FAM210A: variants seen among roughly 807,000 people sequenced by gnomAD.
FAM210A encodes the protein family with sequence similarity 210 member A.
In FAM210A, 13 loss-of-function variants were observed where a neutral mutation model predicts 25.3. That is an observed-to-expected ratio of 0.51 (90% CI 0.33 to 0.82). FAM210A has a LOEUF of 0.82. FAM210A is among the 40% of genes least tolerant of loss of function. The pLI is 0.02. For synonymous variants in FAM210A, 125 were observed against 118.7 expected (o/e 1.05, Z -0.35); for missense variants, 319 against 323.2 (o/e 0.99, Z 0.10).
Position 13,681,757 on chromosome 18 carries a change from T to C in FAM210A, c.321A>G (p.Glu107=), listed in dbSNP as rs1340512096. ...GCAAAGGATCAGGCTCTTCCTTTTT[T>C]TCCGGAGTTCCCTGAGCTGTGGCAC... ...SSSATAQGTP[E]KKEEPDPLQD... The change falls in exon 2 of 4, where the codon GAA becomes GAG. Residue 107 remains glutamate, a synonymous_variant. Coordinates refer to ENST00000651643, the MANE Select transcript of FAM210A (RefSeq NM_152352.4). 6.2e-7 allele frequency: 1 copy of C among 1,614,224 alleles called. No individual in the cohort carries two copies. The highest frequency in any genetic ancestry group is 1.7e-5 in the Admixed American group (1 of 60,028).
chr18:13,723,874 C>T (rs947985623), intron 1 of FAM210A, among the ~76,000 whole-genome samples: 3 of 152,158 alleles, frequency 2.0e-5, no homozygotes, highest in East Asian at 1.9e-4. Context: ...GGAACACTTT[C>T]CTGAGTGGAA....
intron 1 of FAM210A, among the ~76,000 whole-genome samples, chr18:13,718,646 A>C (rs2043878367): frequency 6.6e-6 from 1 of 152,178 alleles, no homozygotes; most frequent in South Asian, 2.1e-4. Flanking sequence ...AACTATATAA[A>C]TTTCATTTCT....
chr18:13,694,342 T>C (rs1426033374), intron 1 of FAM210A, among the ~76,000 whole-genome samples: 2 of 152,202 alleles, frequency 1.3e-5, no homozygotes, highest in Non-Finnish European at 1.5e-5. Flanking sequence ...CCAATGACTT[T>C]CTTCACAGAA....
intron 1 of FAM210A, among the ~76,000 whole-genome samples, chr18:13,712,045 C>T (rs1272626370): frequency 1.3e-5 from 2 of 151,906 alleles, no homozygotes; most frequent in Non-Finnish European, 2.9e-5. Context: ...AGAAATTGGT[C>T]AAGAAGATGA....
At chr18:13,680,835 T>C (rs1423521108) in intron 2 of FAM210A, among the ~76,000 whole-genome samples, 5 of 152,194 alleles carry the variant, frequency 3.3e-5, no homozygotes, top group South Asian at 4.1e-4. Context: ...CTGGTCCTCC[T>C]AAGCCTAAAG....
intron 1 of FAM210A, among the ~76,000 whole-genome samples, chr18:13,721,318 G>C (rs1439185855): frequency 1.3e-5 from 2 of 152,082 alleles, no homozygotes; most frequent in African/African-American, 4.8e-5. Flanking sequence ...AGTTACTAGG[G>C]GATAGGTTCT....
intron 1 of FAM210A, among the ~76,000 whole-genome samples, chr18:13,718,384 G>A (rs2043876477): frequency 6.6e-6 from 1 of 152,180 alleles, no homozygotes; most frequent in Non-Finnish European, 1.5e-5. Context: ...AGTCATAGTT[G>A]TCTGCATTAG....
At chr18:13,715,466 T>C (rs776464013) in intron 1 of FAM210A, 1 of 152,204 alleles carries the variant, frequency 6.6e-6, no homozygotes, top group African/African-American at 2.4e-5. Context: ...CAGGATTATA[T>C]CAAGCACATC....
intron 2 of FAM210A, among the ~76,000 whole-genome samples, chr18:13,673,688 G>C (rs28465255): frequency 5.6e-5 from 7 of 125,048 alleles, no homozygotes; most frequent in South Asian, 2.6e-4. Context: ...TTCCTGAGCC[G>C]TGACTTATTT....
At chr18:13,695,071 C>A (rs2043680861) in intron 1 of FAM210A, among the ~76,000 whole-genome samples, 1 of 152,200 alleles carries the variant, frequency 6.6e-6, no homozygotes. Context: ...AAAGACACTT[C>A]TAAAAAGAAG....
At chr18:13,688,719 C>T (rs979300202) in intron 1 of FAM210A, among the ~76,000 whole-genome samples, 1 of 152,230 alleles carries the variant, frequency 6.6e-6, no homozygotes, top group Non-Finnish European at 1.5e-5. Context: ...GAGCGGATAA[C>T]GCTGCTGTCT....
chr18:13,699,560 A>G (rs183239847), intron 1 of FAM210A, among the ~76,000 whole-genome samples: 1 of 152,142 alleles, frequency 6.6e-6, no homozygotes, highest in African/African-American at 2.4e-5. Flanking sequence ...TTTTCAGAGG[A>G]TCTAAGCCAT....
chr18:13,704,023 A>G (rs970531117), intron 1 of FAM210A, among the ~76,000 whole-genome samples: 1 of 152,238 alleles, frequency 6.6e-6, no homozygotes, highest in Non-Finnish European at 1.5e-5. Flanking sequence ...TTGTTTAAAA[A>G]GAGGCATGTT....
chr18:13,697,864 A>G (rs1485296386), intron 1 of FAM210A, among the ~76,000 whole-genome samples: 2 of 152,186 alleles, frequency 1.3e-5, no homozygotes, highest in Admixed American at 1.3e-4. Context: ...TGGCACCTTC[A>G]TACAAACAGA....
At chr18:13,698,560 GC>G (rs1049110863) in intron 1 of FAM210A, among the ~76,000 whole-genome samples, 1 of 151,604 alleles carries the variant, frequency 6.6e-6, no homozygotes, top group Admixed American at 6.6e-5. Flanking sequence ...GCTTTTGTAA[GC>G]CCCCCCGCCA....
At chr18:13,713,462 C>T (rs1231632989) in intron 1 of FAM210A, among the ~76,000 whole-genome samples, 1 of 152,120 alleles carries the variant, frequency 6.6e-6, no homozygotes, top group Non-Finnish European at 1.5e-5. Flanking sequence ...AGGTAAAATT[C>T]ACACCAATAC....
chr18:13,706,902 C>T (rs115858662), intron 1 of FAM210A, among the ~76,000 whole-genome samples: 2,708 of 152,288 alleles, frequency 0.018, 30 homozygotes, highest in Middle Eastern at 0.061. Context: ...TCATTTAGCT[C>T]ATTCTTTGAT....
chr18:13,683,224 T>C (rs2043570103), intron 1 of FAM210A, among the ~76,000 whole-genome samples: 1 of 152,216 alleles, frequency 6.6e-6, no homozygotes, highest in Admixed American at 6.5e-5. Flanking sequence ...TTGTTGATAT[T>C]AGTATTATTT....
At chr18:13,706,295 T>C (rs1021717841) in intron 1 of FAM210A, among the ~76,000 whole-genome samples, 1 of 148,522 alleles carries the variant, frequency 6.7e-6, no homozygotes, top group African/African-American at 2.5e-5. Context: ...ACCATGAGAC[T>C]CTTATCTTTA....
Sources: gnomAD v4.1 joint callset for allele counts (sites outside exome capture counted in the v4.1 genomes callset) on GRCh38, gnomAD v4.1.1 for gene constraint, MANE v1.5 for transcripts, NCBI Gene and HGNC (gene_info 2026-07-23, HGNC 2026-07-21) for gene names.